ARHGEF28: variants seen among roughly 807,000 people sequenced by gnomAD.
ARHGEF28 encodes the protein Rho guanine nucleotide exchange factor 28.
In ARHGEF28, 152 loss-of-function variants were observed where a neutral mutation model predicts 206.6. That is an observed-to-expected ratio of 0.74 (90% CI 0.64 to 0.84). The LOEUF (loss-of-function observed/expected upper bound fraction) is 0.84. Ranked by LOEUF, ARHGEF28 falls within the 40% of genes least tolerant of loss-of-function variation. The pLI is 0.00. For missense variants in ARHGEF28, 2,028 were observed against 2,073.2 expected (o/e 0.98, Z 0.42); for synonymous variants, 763 against 776.4 (o/e 0.98, Z 0.29).
chr5:73,820,322 C>T (rs1756492352), intron 9 of ARHGEF28, among the ~76,000 whole-genome samples: 1 of 152,056 alleles, frequency 6.6e-6, no homozygotes, highest in Non-Finnish European at 1.5e-5. Context: ...AATTTCTTCC[C>T]TCTCCTACTC....
intron 2 of ARHGEF28, among the ~76,000 whole-genome samples, chr5:73,731,744 T>C (rs1204729987): frequency 1.3e-5 from 2 of 152,210 alleles, no homozygotes; most frequent in African/African-American, 4.8e-5. Flanking sequence ...AATATTAATA[T>C]AATCTACAGT....
intron 10 of ARHGEF28, among the ~76,000 whole-genome samples, chr5:73,837,774 C>T (rs1194827146): frequency 6.7e-6 from 1 of 148,456 alleles, no homozygotes; most frequent in East Asian, 1.9e-4. Context: ...CAGAGTCTTC[C>T]TCTGTCATCC....
intron 20 of ARHGEF28, among the ~76,000 whole-genome samples, chr5:73,869,804 A>G (rs548902144): frequency 1.3e-5 from 2 of 152,070 alleles, no homozygotes; most frequent in African/African-American, 2.4e-5. Flanking sequence ...GCTACTTGGG[A>G]GGCTGAGGCA....
At chr5:73,898,127 G>A (rs1336135529) in intron 30 of ARHGEF28, 34 bp downstream of exon 30, 4 of 1,605,150 alleles carry the variant, frequency 2.5e-6, no homozygotes, top group Non-Finnish European at 3.4e-6. Flanking sequence ...CAATGAGCCT[G>A]AGCACAGTCC....
chr5:73,923,261 A>G, intron 35 of ARHGEF28: 8 of 1,116,720 alleles, frequency 7.2e-6, no homozygotes, highest in Non-Finnish European at 1.0e-5. Context: ...TATGCTAAAC[A>G]AGCAGTCTGA....
At chr5:73,750,704 C>G (rs1751976494) in intron 3 of ARHGEF28, among the ~76,000 whole-genome samples, 2 of 151,988 alleles carry the variant, frequency 1.3e-5, no homozygotes, top group African/African-American at 2.4e-5. Flanking sequence ...AGGCTTTAAC[C>G]TAATGGTGGA....
intron 23 of ARHGEF28, among the ~76,000 whole-genome samples, 155 bp downstream of exon 23, chr5:73,882,749 T>G (rs911241969): frequency 1.3e-5 from 2 of 152,204 alleles, no homozygotes; most frequent in African/African-American, 4.8e-5. Flanking sequence ...GTGGAAAGTC[T>G]CTTTTTCTGT....
At chr5:73,856,121 G>A (rs1380976603) in intron 14 of ARHGEF28, among the ~76,000 whole-genome samples, 20 of 152,184 alleles carry the variant, frequency 1.3e-4, no homozygotes, top group Non-Finnish European at 2.9e-5. Context: ...AATTTTGAAA[G>A]TGAGCCTTTT....
chr5:73,710,897 T>A (rs1749202614), intron 2 of ARHGEF28, among the ~76,000 whole-genome samples: 1 of 151,986 alleles, frequency 6.6e-6, no homozygotes, highest in Non-Finnish European at 1.5e-5. Flanking sequence ...AGAGACAGGG[T>A]TTTATCATGT....
intron 2 of ARHGEF28, among the ~76,000 whole-genome samples, chr5:73,729,205 C>T (rs575560414): frequency 6.6e-6 from 1 of 152,308 alleles, no homozygotes; most frequent in Non-Finnish European, 1.5e-5. Flanking sequence ...TGCTCCCTGC[C>T]TCAGTTTCCT....
intron 2 of ARHGEF28, among the ~76,000 whole-genome samples, chr5:73,717,187 T>C (rs750100415): frequency 7.2e-5 from 11 of 152,114 alleles, no homozygotes; most frequent in Admixed American, 1.3e-4. Context: ...TATGGTCAAC[T>C]TTGTAAATGC....
At chr5:73,707,033 G>C (rs974396178) in intron 2 of ARHGEF28, among the ~76,000 whole-genome samples, 9 of 152,142 alleles carry the variant, frequency 5.9e-5, no homozygotes, top group Non-Finnish European at 1.3e-4. Flanking sequence ...TGGGATCCTG[G>C]CCTGGTCACT....
intron 4 of ARHGEF28, among the ~76,000 whole-genome samples, chr5:73,760,659 A>G (rs933205413): frequency 3.3e-5 from 5 of 152,194 alleles, no homozygotes; most frequent in Non-Finnish European, 5.9e-5. Context: ...GAAGCTTTAA[A>G]TCCTTAATTT....
chr5:73,894,529 C>G lies in ARHGEF28; in HGVS notation c.3795C>G (p.Gly1265=), dbSNP rs770369546. ...EPHLLIKPDP[G]EPPQAASLLA... is the part of the protein sequence containing the mutation. ...ACCTCCTTATTAAACCTGACCCAGG[C>G]GAGCCTCCCCAGGCAGCCTCATTAC... is the stretch of plus-strand genomic sequence containing the variant. Residue 1265 remains glycine (G), a synonymous_variant, in exon 29 of 36, where the codon GGC becomes GGG. Coordinates refer to ENST00000513042, the MANE Select transcript of ARHGEF28 (RefSeq NM_001177693.2). 3.7e-6 allele frequency: 6 copies of G among 1,613,872 alleles called. No individual in the cohort carries two copies. The Admixed American group carries it at 1.0e-4, about 27-fold the overall frequency.
intron 29 of ARHGEF28, among the ~76,000 whole-genome samples, chr5:73,896,591 C>T (rs954749442): frequency 6.6e-6 from 1 of 152,140 alleles, no homozygotes; most frequent in African/African-American, 2.4e-5. Context: ...TAAGATGAGC[C>T]TTGGTCTAGA....
chr5:73,862,004 A>G (rs1210436871), intron 16 of ARHGEF28, among the ~76,000 whole-genome samples: 2 of 152,160 alleles, frequency 1.3e-5, no homozygotes, highest in African/African-American at 2.4e-5. Context: ...TTAATTGTGA[A>G]GGTTAATATT....
At chr5:73,753,265 G>C (rs1752119934) in intron 4 of ARHGEF28, 63 bp downstream of exon 4, 2 of 1,464,882 alleles carry the variant, frequency 1.4e-6, no homozygotes, top group Admixed American at 5.2e-5. Flanking sequence ...TGTACCTTAT[G>C]CTATACTGTG....
chr5:73,754,919 A>G (rs1752219185), intron 4 of ARHGEF28, among the ~76,000 whole-genome samples: 3 of 151,082 alleles, frequency 2.0e-5, no homozygotes, highest in Admixed American at 1.3e-4. Flanking sequence ...TTTTTTAGAG[A>G]CAGAGTCTTG....
chr5:73,882,365 ATTT>A, intron 22 of ARHGEF28, 104 bp from the exon 23 acceptor site: 2 of 813,110 alleles, frequency 2.5e-6, no homozygotes, highest in Non-Finnish European at 3.5e-6. Flanking sequence ...CATGATATTT[ATTT>A]TTTATTTGCA....
Sources: gnomAD v4.1 joint callset for allele counts (sites outside exome capture counted in the v4.1 genomes callset) on GRCh38, gnomAD v4.1.1 for gene constraint, MANE v1.5 for transcripts, NCBI Gene and HGNC (gene_info 2026-07-23, HGNC 2026-07-21) for gene names.